ANKFN1: variants seen among roughly 807,000 people sequenced by gnomAD.
ANKFN1 encodes ankyrin repeat and fibronectin type III domain containing 1.
ANKFN1 carries 74 observed loss-of-function variants against 108.7 expected under a neutral mutation model. The observed-to-expected ratio is 0.68, with a 90% CI of 0.56 to 0.83. The LOEUF is 0.83. Among genes scored for constraint, ANKFN1 ranks in the 40% least tolerant of loss-of-function variants. ANKFN1 has a pLI of 0.00. For synonymous variants in ANKFN1, 547 were observed against 516.2 expected (o/e 1.06, Z -0.81); for missense variants, 1,505 against 1,382.3 (o/e 1.09, Z -1.41).
chr17:56,501,494 G>A (rs2051368293), intron 20 of ANKFN1, among the ~76,000 whole-genome samples: 1 of 152,124 alleles, frequency 6.6e-6, no homozygotes, highest in African/African-American at 2.4e-5. Context: ...AAAAAGGTAA[G>A]AGAGAAGGAA....
chr17:56,053,788 C>T (rs187919962), intron 4 of ANKFN1, among the ~76,000 whole-genome samples: 1 of 152,190 alleles, frequency 6.6e-6, no homozygotes, highest in Admixed American at 6.5e-5. Context: ...ATGTAGGTTC[C>T]CTTTTCTCCA....
chr17:56,254,052 G>A (rs911577153), intron 3 of ANKFN1: 1 of 152,182 alleles, frequency 6.6e-6, no homozygotes, highest in Non-Finnish European at 1.5e-5. Flanking sequence ...CAAATATTCA[G>A]TATTGCTGAA....
chr17:56,401,368 ATTGTGTTGTGTTGTG>A (rs71139906), intron 8 of ANKFN1, among the ~76,000 whole-genome samples: 41,118 of 135,152 alleles, frequency 0.3, 7,135 homozygotes, highest in Admixed American at 0.38. Flanking sequence ...ATTGTATTGT[ATTGTGTTGTGTTGTG>A]TTGTGTTGTG....
intron 3 of ANKFN1, among the ~76,000 whole-genome samples, chr17:56,321,150 T>A (rs988497393): frequency 2.6e-5 from 4 of 151,714 alleles, no homozygotes; most frequent in Non-Finnish European, 5.9e-5. Flanking sequence ...GATTAGAAAT[T>A]GAGAGGGAGG....
intron 8 of ANKFN1, among the ~76,000 whole-genome samples, chr17:56,396,337 A>G (rs2047583219): frequency 6.6e-6 from 1 of 152,162 alleles, no homozygotes; most frequent in Non-Finnish European, 1.5e-5. Context: ...AATTCCAGCT[A>G]CTCAGGAGGT....
At chr17:56,188,298 C>A (rs770121814) in intron 1 of ANKFN1, among the ~76,000 whole-genome samples, 36 of 151,442 alleles carry the variant, frequency 2.4e-4, no homozygotes, top group Non-Finnish European at 2.6e-4. Context: ...AGTTCTGGAA[C>A]CAGAAGTCTA....
chr17:56,482,233 G>A, intron 17 of ANKFN1, 123 bp from the exon 18 acceptor site: 1 of 840,652 alleles, frequency 1.2e-6, no homozygotes, highest in South Asian at 2.4e-5. Context: ...TATTTATGTT[G>A]TATAAAAATT....
In ANKFN1 at chr17:56,221,394, G is replaced by C. The variant is rs980714488; in HGVS notation, c.13-6523G>C. 1.3e-4 allele frequency among the ~76,000 whole-genome samples: 20 copies of C among 152,144 alleles called. No homozygotes were observed. The South Asian group carries it at 4.2e-3, about 32-fold the overall frequency. Reference sequence around the variant, plus strand: ...TTGTATATATGCCTATTGATGAAGGGCCTGAAGTAGATGAAAGGTGACCAA... The same window carrying C: ...TTGTATATATGCCTATTGATGAAGGCCCTGAAGTAGATGAAAGGTGACCAA... On this transcript the variant is annotated intron_variant, in intron 2 of 20. Coordinates refer to ENST00000682825, the MANE Select transcript of ANKFN1 (RefSeq NM_001370326.1).
chr17:56,416,693 T>C (rs1289549003), intron 8 of ANKFN1, among the ~76,000 whole-genome samples: 4 of 152,172 alleles, frequency 2.6e-5, no homozygotes, highest in Admixed American at 6.5e-5. Flanking sequence ...AGCCCGGCGA[T>C]CCCGCTGCTA....
At chr17:56,227,124 T>A (rs917513742) in intron 2 of ANKFN1, among the ~76,000 whole-genome samples, 3 of 152,148 alleles carry the variant, frequency 2.0e-5, no homozygotes, top group Non-Finnish European at 4.4e-5. Flanking sequence ...AATCTCAGAA[T>A]GCAAATAGTT....
At chr17:56,300,053 C>T (rs548608896) in intron 3 of ANKFN1, among the ~76,000 whole-genome samples, 1 of 152,232 alleles carries the variant, frequency 6.6e-6, no homozygotes, top group Non-Finnish European at 1.5e-5. Context: ...CTTGAGAAAT[C>T]TGCCACCAGT....
intron 18 of ANKFN1, among the ~76,000 whole-genome samples, chr17:56,491,876 A>G (rs1395164062): frequency 6.6e-6 from 1 of 152,102 alleles, no homozygotes; most frequent in Non-Finnish European, 1.5e-5. Context: ...GTGTGTGTAT[A>G]TGTGTGTGTG....
chr17:56,170,590 C>T, intron 1 of ANKFN1, among the ~76,000 whole-genome samples: 1 of 151,100 alleles, frequency 6.6e-6, no homozygotes, highest in East Asian at 2.0e-4. Flanking sequence ...TGGTGAAACC[C>T]CATGTCTACT....
chr17:56,381,662 A>G (rs372953938), intron 8 of ANKFN1, among the ~76,000 whole-genome samples: 1 of 152,082 alleles, frequency 6.6e-6, no homozygotes, highest in African/African-American at 2.4e-5. Flanking sequence ...GAGCCGATGC[A>G]ATCAACTGGA....
chr17:56,077,379 C>T (rs1905193142), intron 4 of ANKFN1, among the ~76,000 whole-genome samples: 1 of 152,144 alleles, frequency 6.6e-6, no homozygotes, highest in South Asian at 2.1e-4. Flanking sequence ...CAAAATATGT[C>T]CACCATCACA....
chr17:56,076,933 G>A (rs552124918), intron 4 of ANKFN1, among the ~76,000 whole-genome samples: 2 of 152,214 alleles, frequency 1.3e-5, no homozygotes, highest in African/African-American at 4.8e-5. Context: ...TGATTTCTGG[G>A]ATATCTCTAG....
At chr17:56,252,471 A>G (rs1045004677) in intron 3 of ANKFN1, among the ~76,000 whole-genome samples, 4 of 152,226 alleles carry the variant, frequency 2.6e-5, no homozygotes, top group Non-Finnish European at 5.9e-5. Context: ...ACAGTGTAAT[A>G]TGATAAAAAT....
intron 2 of ANKFN1, among the ~76,000 whole-genome samples, chr17:56,221,406 T>C (rs1432476923): frequency 6.6e-6 from 1 of 152,150 alleles, no homozygotes; most frequent in East Asian, 1.9e-4. Flanking sequence ...CTGAAGTAGA[T>C]GAAAGGTGAC....
rs982921017 is a variant in ANKFN1 at position 56,470,125 on chromosome 17, T to G, written c.1773+3554T>G. On this transcript the variant is annotated intron_variant, in intron 15 of 20. Coordinates refer to ENST00000682825, the MANE Select transcript of ANKFN1 (RefSeq NM_001370326.1). ...CCCGCAAAGGACATGATCTCATTCC[T>G]TCTTATGGCTGCATAGTATTCCATG... is the stretch of plus-strand genomic sequence containing the variant. Among the ~76,000 whole-genome samples, 25 of 152,232 alleles carry G rather than the reference T, an allele frequency of 1.6e-4. 1 individual carries two copies. The highest frequency in any genetic ancestry group is 6.0e-4 in the African/African-American group (25 of 41,466).
Sources: allele counts gnomAD v4.1 joint callset (sites outside exome capture counted in the v4.1 genomes callset), GRCh38; gene constraint gnomAD v4.1.1; transcripts MANE v1.5; gene names NCBI Gene and HGNC (gene_info 2026-07-23, HGNC 2026-07-21).